RASGEF1A: variants seen among roughly 807,000 people sequenced by gnomAD.
RASGEF1A encodes RasGEF domain family member 1A, also known as ras-GEF domain-containing family member 1A.
Under a neutral mutation model 56.4 loss-of-function variants are expected in RASGEF1A, and 18 were observed. That is an observed-to-expected ratio of 0.32 (90% confidence interval 0.22 to 0.47). The LOEUF (loss-of-function observed/expected upper bound fraction) is 0.47, where lower values mean the gene tolerates loss of function less well. Ranked by LOEUF, RASGEF1A falls within the 20% of genes least tolerant of loss-of-function variation. The pLI is 1.00. For synonymous variants in RASGEF1A, 245 were observed against 242.6 expected (o/e 1.01, Z -0.09); for missense variants, 422 against 627.1 (o/e 0.67, Z 3.49).
intron 1 of RASGEF1A, among the ~76,000 whole-genome samples, chr10:43,248,056 A>T (rs1301544281): frequency 0.054 from 652 of 12,108 alleles, 8 homozygotes; most frequent in East Asian, 0.49. Context: ...AATAAGATTA[A>T]AAAAAAAAAA....
At chr10:43,223,440 C>T (rs1021630682) in intron 1 of RASGEF1A, among the ~76,000 whole-genome samples, 8 of 152,104 alleles carry the variant, frequency 5.3e-5, no homozygotes, top group Non-Finnish European at 1.0e-4. Context: ...AGAAAAATAA[C>T]CTTTATAGGA....
intron 1 of RASGEF1A, among the ~76,000 whole-genome samples, chr10:43,227,070 T>C (rs1840288568): frequency 6.6e-6 from 1 of 152,216 alleles, no homozygotes; most frequent in African/African-American, 2.4e-5. Context: ...CTTCCAAGGA[T>C]AACCAGGGGT....
At chr10:43,236,582 G>A (rs747409084) in intron 1 of RASGEF1A, among the ~76,000 whole-genome samples, 14 of 152,170 alleles carry the variant, frequency 9.2e-5, no homozygotes, top group African/African-American at 3.1e-4. Context: ...TCCGTCTCTC[G>A]CGCCCTCCCT....
rs1396166468 is a variant in RASGEF1A, at chr10:43,196,177, C to T, written c.*67G>A. ...CCAGTGAGGCCTCCTCATCTCAACC[C>T]ACATCAGTCAAAATTTAAACCCAGT... On this transcript the variant is annotated 3_prime_UTR_variant, in exon 13 of 13. Transcript: ENST00000395810. The surrounding 1 kb of genome is among the most constrained non-coding windows in gnomAD (Gnocchi z 4.6). The T allele has an allele frequency of 7.2e-6, 11 of 1,525,580 alleles. No individual in the cohort carries two copies. The highest frequency in any genetic ancestry group is 9.9e-6 in the Non-Finnish European group (11 of 1,107,212). The allele number at this position is 1,525,580 out of a possible 1,614,324, so 94.5% of individuals were successfully genotyped here. A position where few individuals can be genotyped will look rare whatever the true frequency, so the allele number is the denominator to read the frequency against.
chr10:43,201,787 C>G (rs1839902813), intron 4 of RASGEF1A, 21 bp downstream of exon 4: 1 of 1,555,374 alleles, frequency 6.4e-7, no homozygotes. Context: ...AGACCCTGGC[C>G]AGAGCCCAGG....
At chr10:43,237,768 G>T (rs1025505636) in intron 1 of RASGEF1A, among the ~76,000 whole-genome samples, 8 of 152,036 alleles carry the variant, frequency 5.3e-5, no homozygotes, top group Non-Finnish European at 1.2e-4. Context: ...GGGATCCCAC[G>T]ACACCCAGCC....
Position 43,235,715 on chromosome 10 carries a change from T to A in RASGEF1A, c.-6-29593A>T, listed in dbSNP as rs544050311. Reference sequence around the variant, plus strand: ...TCCAGGGGAAGAGAGCCCACCACACTGAGTGCCAGCCTGCCACATGCACAG... The same window carrying A: ...TCCAGGGGAAGAGAGCCCACCACACAGAGTGCCAGCCTGCCACATGCACAG... On this transcript the variant is annotated intron_variant, in intron 1 of 12. Transcript: ENST00000395810. Among the ~76,000 whole-genome samples, 6 of 152,242 alleles carry A rather than the reference T, an allele frequency of 3.9e-5. No homozygotes were observed. In the East Asian group the frequency reaches 1.2e-3, roughly 29 times the overall value.
At chr10:43,252,524 AGTCAGTGACTCT>A (rs1046117609) in intron 1 of RASGEF1A, among the ~76,000 whole-genome samples, 4 of 151,912 alleles carry the variant, frequency 2.6e-5, no homozygotes, top group African/African-American at 9.7e-5. Context: ...ATTAATGGGT[AGTCAGTGACTCT>A]GTCTTCCAAA....
intron 1 of RASGEF1A, among the ~76,000 whole-genome samples, chr10:43,222,524 C>T (rs1320202938): frequency 6.6e-6 from 1 of 152,222 alleles, no homozygotes; most frequent in Non-Finnish European, 1.5e-5. Flanking sequence ...GGAGCGGCTT[C>T]AGAGCTTCTG....
At chr10:43,203,544 T>C (rs1839945011) in intron 2 of RASGEF1A, 124 bp from the exon 3 acceptor site, 2 of 1,393,048 alleles carry the variant, frequency 1.4e-6, no homozygotes, top group Non-Finnish European at 1.9e-6. Context: ...AGGCCATGCC[T>C]TCACCTGCCC....
chr10:43,204,265 C>T lies in RASGEF1A; in HGVS notation c.199-845G>A, dbSNP rs556200606. On this transcript the variant is annotated intron_variant, in intron 2 of 12. Transcript: ENST00000395810. ...GAAGCCTCTGCCTCCACTCCCAGCCCATATAACCCGGTTTTTCTTGCCCCA... is the reference window on the plus strand; with the variant it reads ...GAAGCCTCTGCCTCCACTCCCAGCCTATATAACCCGGTTTTTCTTGCCCCA... Among the ~76,000 whole-genome samples the T allele has an allele frequency of 5.3e-5, 8 of 152,212 alleles. No individual in the cohort carries two copies. In the South Asian group the frequency reaches 1.7e-3, roughly 32 times the overall value.
chr10:43,223,003 G>GT (rs57177926), intron 1 of RASGEF1A, among the ~76,000 whole-genome samples: 15 of 150,222 alleles, frequency 1.0e-4, no homozygotes, highest in African/African-American at 2.0e-4. Flanking sequence ...CACTTTATTG[G>GT]TTTTTTTTTT....
At chr10:43,200,109 A>C (rs1839869137) in intron 6 of RASGEF1A, 73 bp downstream of exon 6, 1 of 1,280,028 alleles carries the variant, frequency 7.8e-7, no homozygotes, top group Non-Finnish European at 1.1e-6. Context: ...TGAGGCCCAC[A>C]CCCACCCTGC....
intron 1 of RASGEF1A, among the ~76,000 whole-genome samples, chr10:43,241,125 T>C: frequency 6.6e-6 from 1 of 152,312 alleles, no homozygotes; most frequent in East Asian, 1.9e-4. Flanking sequence ...TGAAATCATG[T>C]GAAAAAATAA....
At chr10:43,261,737 A>G (rs1251498896) in intron 1 of RASGEF1A, among the ~76,000 whole-genome samples, 4 of 152,086 alleles carry the variant, frequency 2.6e-5, no homozygotes, top group Non-Finnish European at 4.4e-5. Flanking sequence ...CAGCCAGCAA[A>G]GCCGGGGCTG....
At chr10:43,223,105 T>C (rs928779575) in intron 1 of RASGEF1A, among the ~76,000 whole-genome samples, 5 of 152,158 alleles carry the variant, frequency 3.3e-5, no homozygotes, top group Admixed American at 2.6e-4. Flanking sequence ...CAACCAGAAA[T>C]TGCCCAGCAA....
At chr10:43,217,890 G>A (rs1840158221) in intron 1 of RASGEF1A, among the ~76,000 whole-genome samples, 1 of 152,186 alleles carries the variant, frequency 6.6e-6, no homozygotes, top group Non-Finnish European at 1.5e-5. Flanking sequence ...TGACTGAGCT[G>A]AAACGTGTCT....
intron 1 of RASGEF1A, among the ~76,000 whole-genome samples, chr10:43,256,656 G>A (rs560646954): frequency 3.9e-4 from 59 of 152,218 alleles, no homozygotes; most frequent in African/African-American, 1.4e-3. Flanking sequence ...ACAGTCTCCC[G>A]TCCCTGGTTC....
chr10:43,238,399 A>G (rs966626445), intron 1 of RASGEF1A, among the ~76,000 whole-genome samples: 3 of 152,224 alleles, frequency 2.0e-5, no homozygotes, highest in African/African-American at 7.2e-5. Context: ...TGAGCTGCTC[A>G]GTGTACTTCA....
Sources: allele counts gnomAD v4.1 joint callset (sites outside exome capture counted in the v4.1 genomes callset), GRCh38; gene constraint gnomAD v4.1.1; non-coding constraint Gnocchi (gnomAD v3.1); transcripts MANE v1.5; gene names NCBI Gene and HGNC (gene_info 2026-07-23, HGNC 2026-07-21).